PRKN: variants seen among roughly 807,000 people sequenced by gnomAD.
The protein encoded by PRKN is parkin RBR E3 ubiquitin protein ligase, also known as E3 ubiquitin-protein ligase parkin.
In PRKN, 56 loss-of-function variants were observed where a neutral mutation model predicts 59.5. That is an observed-to-expected ratio of 0.94 (90% confidence interval 0.76 to 1.18). The LOEUF is 1.18. Ranked by LOEUF, PRKN falls within the 50% of genes most tolerant of loss-of-function variation. The pLI is 0.00. For synonymous variants in PRKN, 250 were observed against 222.1 expected, an observed-to-expected ratio of 1.13 and a Z score of -1.12; for missense variants, 657 against 596.4, an observed-to-expected ratio of 1.10 and a Z score of -1.06.
chr6:161,816,253 A>T (rs1236275855), intron 6 of PRKN, among the ~76,000 whole-genome samples: 1 of 152,126 alleles, frequency 6.6e-6, no homozygotes, highest in African/African-American at 2.4e-5. Context: ...GACAAGCAGA[A>T]AGAAACACAC....
chr6:162,502,379 T>C (rs1793415270), intron 1 of PRKN, among the ~76,000 whole-genome samples: 1 of 152,098 alleles, frequency 6.6e-6, no homozygotes, highest in African/African-American at 2.4e-5. Context: ...CAGGCTGGTC[T>C]GAAACTCCTG....
At chr6:162,634,138 T>C (rs1777620888) in intron 1 of PRKN, among the ~76,000 whole-genome samples, 1 of 152,138 alleles carries the variant, frequency 6.6e-6, no homozygotes, top group African/African-American at 2.4e-5. Flanking sequence ...CACCTCTCCA[T>C]ACCTGGGCTT....
At chr6:162,665,723 G>T (rs1222205603) in intron 1 of PRKN, among the ~76,000 whole-genome samples, 1 of 152,084 alleles carries the variant, frequency 6.6e-6, no homozygotes, top group Non-Finnish European at 1.5e-5. Flanking sequence ...GTATAGCCTA[G>T]ACAATCCTAA....
At chr6:162,366,990 C>A (rs193238776) in intron 2 of PRKN, among the ~76,000 whole-genome samples, 1 of 152,190 alleles carries the variant, frequency 6.6e-6, no homozygotes, top group Non-Finnish European at 1.5e-5. Flanking sequence ...TATGGTTTGG[C>A]TGTGTCCCTA....
At chr6:161,491,509 C>T (rs912568487) in intron 9 of PRKN, among the ~76,000 whole-genome samples, 15 of 148,328 alleles carry the variant, frequency 1.0e-4, no homozygotes, top group Non-Finnish European at 2.1e-4. Context: ...GGCAAATCCA[C>T]TCTCTGCACC....
At chr6:161,571,138 T>A (rs1229630625) in intron 7 of PRKN, among the ~76,000 whole-genome samples, 4 of 152,030 alleles carry the variant, frequency 2.6e-5, no homozygotes, top group African/African-American at 9.7e-5. Flanking sequence ...AGAGATGGGG[T>A]CTCACTATGC....
At chr6:161,612,124 A>C (rs1429069427) in intron 7 of PRKN, among the ~76,000 whole-genome samples, 1 of 152,232 alleles carries the variant, frequency 6.6e-6, no homozygotes, top group East Asian at 1.9e-4. Context: ...ATGAAGCTTA[A>C]GGAAAGAAGC....
chr6:162,404,815 G>T (rs1486621898), intron 2 of PRKN, among the ~76,000 whole-genome samples: 1 of 152,176 alleles, frequency 6.6e-6, no homozygotes, highest in Non-Finnish European at 1.5e-5. Flanking sequence ...GCCTCCCAAA[G>T]TGCTGGGATT....
At chr6:162,689,576 A>C (rs976991340) in intron 1 of PRKN, among the ~76,000 whole-genome samples, 5 of 152,362 alleles carry the variant, frequency 3.3e-5, no homozygotes, top group Admixed American at 1.3e-4. Context: ...TTTTGGCAGG[A>C]AAATGATGTC....
At chr6:162,334,785 G>A (rs183602752) in intron 2 of PRKN, among the ~76,000 whole-genome samples, 297 of 152,246 alleles carry the variant, frequency 2.0e-3, no homozygotes, top group Non-Finnish European at 3.5e-3. Context: ...CCTCATCCTA[G>A]GTGCTCTAAC....
intron 1 of PRKN, among the ~76,000 whole-genome samples, chr6:162,470,328 CAG>C (rs1791666741): frequency 6.6e-6 from 1 of 152,182 alleles, no homozygotes; most frequent in Non-Finnish European, 1.5e-5. Context: ...ACCGTGGACA[CAG>C]CAGCTAACTT....
intron 1 of PRKN, among the ~76,000 whole-genome samples, chr6:162,697,877 T>C (rs1435571039): frequency 6.6e-6 from 1 of 152,212 alleles, no homozygotes; most frequent in Non-Finnish European, 1.5e-5. Flanking sequence ...CTTCTTAACA[T>C]ATTCAATTGG....
chr6:162,643,325 G>A (rs1448591983), intron 1 of PRKN, among the ~76,000 whole-genome samples: 1 of 147,796 alleles, frequency 6.8e-6, no homozygotes, highest in African/African-American at 2.5e-5. Context: ...CTGAACCCAG[G>A]AGGTGGAGGT....
chr6:162,619,128 T>G (rs1308271408), intron 1 of PRKN, among the ~76,000 whole-genome samples: 2 of 145,080 alleles, frequency 1.4e-5, no homozygotes, highest in East Asian at 4.2e-4. Flanking sequence ...TAAACATATC[T>G]AATCCAGTAT....
At chr6:161,653,969 G>A (rs1298245637) in intron 7 of PRKN, among the ~76,000 whole-genome samples, 2 of 151,676 alleles carry the variant, frequency 1.3e-5, no homozygotes, top group Non-Finnish European at 2.9e-5. Flanking sequence ...GGATCTGATA[G>A]TCTCTAATGT....
In PRKN at chr6:161,578,115, C is replaced by T. The variant is rs558138047; in HGVS notation, c.872-8699G>A. Among the ~76,000 whole-genome samples, 1 of 152,038 alleles carries T rather than the reference C, an allele frequency of 6.6e-6. No individual in the cohort carries two copies. Among genetic ancestry groups the T allele is most frequent in the South Asian group, 2.1e-4 (1 of 4,806 alleles). On this transcript the variant is annotated intron_variant, in intron 7 of 11. Coordinates refer to ENST00000366898, the MANE Select transcript of PRKN (RefSeq NM_004562.3). The surrounding 1 kb of genome is among the most constrained non-coding windows in gnomAD (Gnocchi z 4.2). ...GTAGATGTAGAAAGAGCCAAGTGAG[C>T]AGAGAGCAACCAAAGAGGTATAAAA...
chr6:161,971,463 G>A (rs1780803200), intron 6 of PRKN, among the ~76,000 whole-genome samples: 2 of 152,142 alleles, frequency 1.3e-5, no homozygotes, highest in South Asian at 2.1e-4. Context: ...TGCTATCAGC[G>A]CAGTCAAGCC....
rs1779045290 is a variant in PRKN at position 161,527,159 on chromosome 6, T to C, written c.1083+21695A>G. ...TTTCATGAGATTCCTATGACAATTATTTTCCTTTATAGATATAGATTTCTT... is the reference window on the plus strand; with the variant it reads ...TTTCATGAGATTCCTATGACAATTACTTTCCTTTATAGATATAGATTTCTT... On this transcript the variant is annotated intron_variant, in intron 9 of 11. Coordinates refer to ENST00000366898, the MANE Select transcript of PRKN (RefSeq NM_004562.3). This position sits in a 1 kb window ranked among gnomAD's most constrained non-coding sequence, Gnocchi z 4.6. 6.6e-6 allele frequency among the ~76,000 whole-genome samples: 1 copy of C among 152,192 alleles called. No individual in the cohort carries two copies. Among genetic ancestry groups the C allele is most frequent in the South Asian group, 2.1e-4 (1 of 4,830 alleles).
At chr6:162,475,200 C>G (rs1048412341) in intron 1 of PRKN, among the ~76,000 whole-genome samples, 1 of 152,114 alleles carries the variant, frequency 6.6e-6, no homozygotes, top group African/African-American at 2.4e-5. Flanking sequence ...TCACTATTAA[C>G]CAAAAAACAG....
Sources: gnomAD v4.1 joint callset for allele counts (sites outside exome capture counted in the v4.1 genomes callset) on GRCh38, gnomAD v4.1.1 for gene constraint, Gnocchi (gnomAD v3.1) non-coding constraint, MANE v1.5 for transcripts, NCBI Gene and HGNC (gene_info 2026-07-23, HGNC 2026-07-21) for gene names.